The following GALNT18 variants were observed in gnomAD, a reference collection of about 807,000 sequenced individuals.
GALNT18 encodes GalNAc-transferase 18.
In GALNT18, 44 loss-of-function variants were observed where a neutral mutation model predicts 69.5. The ratio of observed to expected loss-of-function variants is 0.63; its 90% CI spans 0.50 to 0.81. The LOEUF (loss-of-function observed/expected upper bound fraction) is 0.81. GALNT18 is among the 40% of genes least tolerant of loss of function. The pLI is 0.00. For synonymous variants in GALNT18, 364 were observed against 318.2 expected (o/e 1.14, Z -1.53); for missense variants, 715 against 810.0 (o/e 0.88, Z 1.42).
chr11:11,388,940 C>G (rs1854116283), intron 3 of GALNT18, among the ~76,000 whole-genome samples: 1 of 152,198 alleles, frequency 6.6e-6, no homozygotes, highest in Non-Finnish European at 1.5e-5. Flanking sequence ...ATTCAGAACT[C>G]TCAGCAACCA....
In GALNT18 at chr11:11,309,930, T is replaced by C. The variant is rs1402167485; in HGVS notation, c.1513-16737A>G. ...GATATTGCTTTGTTAATTGCCCCCTTAAATAGATCTCTCTACTTATTTCTT... is the reference window on the plus strand; with the variant it reads ...GATATTGCTTTGTTAATTGCCCCCTCAAATAGATCTCTCTACTTATTTCTT... On this transcript the variant is annotated intron_variant, in intron 9 of 10. Coordinates refer to ENST00000227756, the MANE Select transcript of GALNT18 (RefSeq NM_198516.3). The surrounding 1 kb of genome is among the most constrained non-coding windows in gnomAD (Gnocchi z 4.6). Among the ~76,000 whole-genome samples, 1 of 152,152 alleles carries C rather than the reference T, an allele frequency of 6.6e-6. No individual in the cohort carries two copies. Among genetic ancestry groups the C allele is most frequent in the African/African-American group, 2.4e-5 (1 of 41,420 alleles).
rs539283671 is a variant in GALNT18 at position 11,279,249 on chromosome 11, G to A, written c.1678-7959C>T. Among the ~76,000 whole-genome samples, 363 of 152,226 alleles carry A rather than the reference G, an allele frequency of 2.4e-3. 6 individuals are homozygous for A. The highest frequency in any genetic ancestry group is 8.3e-3 in the African/African-American group (343 of 41,542). On this transcript the variant is annotated intron_variant, in intron 10 of 10. Coordinates refer to ENST00000227756, the MANE Select transcript of GALNT18 (RefSeq NM_198516.3). ...TCCTGTACAGCCTGAAGAATCATGA[G>A]CCAATTATACCTCTTTTCTTTAATT...
At chr11:11,458,244 A>C (rs1855965682) in intron 1 of GALNT18, among the ~76,000 whole-genome samples, 1 of 152,276 alleles carries the variant, frequency 6.6e-6, no homozygotes, top group African/African-American at 2.4e-5. Context: ...AAAGCTAAGC[A>C]TCAAATAATG....
chr11:11,447,035 C>T (rs560004308), intron 2 of GALNT18, among the ~76,000 whole-genome samples: 2 of 152,214 alleles, frequency 1.3e-5, no homozygotes, highest in South Asian at 4.2e-4. Context: ...AGGTTGAGAA[C>T]CACGGCCCTA....
intron 10 of GALNT18, among the ~76,000 whole-genome samples, chr11:11,282,451 T>G (rs1849100301): frequency 6.6e-6 from 1 of 152,196 alleles, no homozygotes; most frequent in South Asian, 2.1e-4. Context: ...TTATCCCCAT[T>G]TTACAGGCTT....
chr11:11,535,755 G>A (rs1393622563), intron 1 of GALNT18, among the ~76,000 whole-genome samples: 2 of 152,210 alleles, frequency 1.3e-5, no homozygotes, highest in Non-Finnish European at 2.9e-5. Context: ...GCTTTCAGCT[G>A]CAGCCTACCC....
At chr11:11,453,010 C>T (rs1855839641) in intron 1 of GALNT18, among the ~76,000 whole-genome samples, 1 of 152,176 alleles carries the variant, frequency 6.6e-6, no homozygotes, top group Non-Finnish European at 1.5e-5. Flanking sequence ...CTGAGCACAA[C>T]ACAGAGGCTG....
At chr11:11,549,411 C>G (rs1057021055) in intron 1 of GALNT18, among the ~76,000 whole-genome samples, 1 of 152,238 alleles carries the variant, frequency 6.6e-6, no homozygotes, top group South Asian at 2.1e-4. Flanking sequence ...TTGGTCTGCA[C>G]TTCTAGGAAT....
chr11:11,589,449 T>A (rs541290928), intron 1 of GALNT18, among the ~76,000 whole-genome samples: 11 of 151,898 alleles, frequency 7.2e-5, no homozygotes, highest in Non-Finnish European at 1.5e-4. Flanking sequence ...GCCGTATTGC[T>A]AAAAATGACT....
intron 6 of GALNT18, among the ~76,000 whole-genome samples, chr11:11,366,036 C>T (rs1482989731): frequency 1.3e-5 from 2 of 152,196 alleles, no homozygotes; most frequent in African/African-American, 2.4e-5. Flanking sequence ...GCCCAGTACC[C>T]AGTGGTAGGA....
Position 11,280,066 on chromosome 11 carries a change from C to T in GALNT18, c.1678-8776G>A, listed in dbSNP as rs143603922. 1.4e-3 allele frequency among the ~76,000 whole-genome samples: 218 copies of T among 152,118 alleles called. 2 individuals carry two copies. The highest frequency in any genetic ancestry group is 0.01 in the Middle Eastern group (3 of 294). On this transcript the variant is annotated intron_variant, in intron 10 of 10. Transcript: ENST00000227756. ...TCCTGTGTTGGGGAGATGGCCCAGC[C>T]GATCACACAAACCTATTCAGAAGCA...
At chr11:11,411,665 T>A (rs1004050826) in intron 3 of GALNT18, among the ~76,000 whole-genome samples, 2 of 152,232 alleles carry the variant, frequency 1.3e-5, no homozygotes, top group Non-Finnish European at 2.9e-5. Flanking sequence ...ATATTAGAGA[T>A]GCTCTCTCAA....
At position 11,595,187 on chromosome 11, in the gene GALNT18, A is replaced by T. The variant is rs1213198346; in HGVS notation, c.235+26172T>A. Among the ~76,000 whole-genome samples, 1 of 148,486 alleles carries T rather than the reference A, an allele frequency of 6.7e-6. No homozygotes were observed. Among genetic ancestry groups the T allele is most frequent in the African/African-American group, 2.6e-5 (1 of 37,978 alleles). ...ATGTTTATTTTGCCCCAAAATTCAT[A>T]TGTTGAAATCTAATCACCAAGGTGA... is the stretch of plus-strand genomic sequence containing the variant. On this transcript the variant is annotated intron_variant, in intron 1 of 10. Transcript: ENST00000227756. This position sits in a 1 kb window ranked among gnomAD's most constrained non-coding sequence, Gnocchi z 5.2.
Position 11,341,785 on chromosome 11 carries a change from A to C in GALNT18, c.1093-781T>G, listed in dbSNP as rs10831589. On this transcript the variant is annotated intron_variant, in intron 6 of 10. Transcript: ENST00000227756. This position sits in a 1 kb window ranked among gnomAD's most constrained non-coding sequence, Gnocchi z 6.3. ...TCTGCTGGTAATTTTAGAATGCCCC[A>C]CTGCCCCCAACTCCTTCTTCAGCTG... Among the ~76,000 whole-genome samples the C allele has an allele frequency of 0.58, 87,195 of 151,610 alleles. 25,816 individuals are homozygous for C. The highest frequency in any genetic ancestry group is 0.82 in the East Asian group (4,211 of 5,140).
rs1857044991 is a variant in GALNT18 at position 11,505,061 on chromosome 11, TG to T, written c.236-56126del. Among the ~76,000 whole-genome samples the T allele has an allele frequency of 6.6e-6, 1 of 152,154 alleles. No homozygotes were observed. Among genetic ancestry groups the T allele is most frequent in the Non-Finnish European group, 1.5e-5 (1 of 68,022 alleles). On this transcript the variant is annotated intron_variant, in intron 1 of 10. Transcript: ENST00000227756. The surrounding 1 kb of genome is among the most constrained non-coding windows in gnomAD (Gnocchi z 4.6). Reference sequence around the variant, plus strand: ...GAACCCAGATATGTACAAAGTGCCATGGGAACATAGGAAAAGGAGCAAAGTT... The same window carrying T: ...GAACCCAGATATGTACAAAGTGCCATGGAACATAGGAAAAGGAGCAAAGTT...
rs1859172144 is a variant in GALNT18 at position 11,584,705 on chromosome 11, T to G, written c.235+36654A>C. Among the ~76,000 whole-genome samples, 1 of 152,178 alleles carries G rather than the reference T, an allele frequency of 6.6e-6. No homozygotes were observed. Among genetic ancestry groups the G allele is most frequent in the Non-Finnish European group, 1.5e-5 (1 of 68,034 alleles). On this transcript the variant is annotated intron_variant, in intron 1 of 10. Transcript: ENST00000227756. This position sits in a 1 kb window ranked among gnomAD's most constrained non-coding sequence, Gnocchi z 4.1. ...CACATAAAGCACTTCTGCTGCAGAC[T>G]GAAGTATGAAGGTTGTCTCAAGAGA... is the stretch of plus-strand genomic sequence containing the variant.
rs1261286542 is a variant in GALNT18 at position 11,372,542 on chromosome 11, C to G, written c.1065G>C (p.Gly355=). The change falls in exon 6 of 11, where the codon GGG becomes GGC. Residue 355 remains glycine (G), a synonymous_variant. Transcript: ENST00000227756. This position sits in a 1 kb window ranked among gnomAD's most constrained non-coding sequence, Gnocchi z 4.9. ...GLLDEGMEVY[G]GENVELGIRV... ...TGATCCCAAGCTCCACATTCTCGCC[C>G]CCGTAGACTTCCATGCCTTCGTCCA... is the stretch of plus-strand genomic sequence containing the variant. 1 of 1,614,196 alleles carries G rather than the reference C, an allele frequency of 6.2e-7. No individual in the cohort carries two copies. The highest frequency in any genetic ancestry group is 8.5e-7 in the Non-Finnish European group (1 of 1,180,022).
intron 1 of GALNT18, among the ~76,000 whole-genome samples, chr11:11,554,850 C>T: frequency 6.6e-6 from 1 of 152,158 alleles, no homozygotes; most frequent in Non-Finnish European, 1.5e-5. Context: ...GACTGCAGGG[C>T]CTGTTTCTGA....
In GALNT18 at chr11:11,332,039, G is replaced by A. The variant is rs1850025297; in HGVS notation, c.1416+655C>T. Among the ~76,000 whole-genome samples the A allele has an allele frequency of 6.6e-6, 1 of 151,978 alleles. No homozygotes were observed. The highest frequency in any genetic ancestry group is 2.1e-4 in the South Asian group (1 of 4,804). Reference sequence around the variant, plus strand: ...TCTTTTACTCTACGGGGATAGTATTGAATTACCCCCATTTAACAGGTGAAG... The same window carrying A: ...TCTTTTACTCTACGGGGATAGTATTAAATTACCCCCATTTAACAGGTGAAG... On this transcript the variant is annotated intron_variant, in intron 8 of 10. Transcript: ENST00000227756. The surrounding 1 kb of genome is among the most constrained non-coding windows in gnomAD (Gnocchi z 4.3).
Sources: gnomAD v4.1 joint callset for allele counts (sites outside exome capture counted in the v4.1 genomes callset) on GRCh38, gnomAD v4.1.1 for gene constraint, Gnocchi (gnomAD v3.1) non-coding constraint, MANE v1.5 for transcripts, NCBI Gene and HGNC (gene_info 2026-07-23, HGNC 2026-07-21) for gene names.